NEK3: variants seen among roughly 807,000 people sequenced by gnomAD.
NEK3 encodes the protein NIMA related kinase 3, also known as serine/threonine-protein kinase Nek3.
NEK3 carries 54 observed loss-of-function variants against 66.0 expected under a neutral mutation model. That is an observed-to-expected ratio of 0.82 (90% CI 0.66 to 1.03). The LOEUF (loss-of-function observed/expected upper bound fraction) is 1.03, where lower values mean the gene tolerates loss of function less well. Among genes scored for constraint, NEK3 ranks in the 50% least tolerant of loss-of-function variants. NEK3 has a pLI of 0.00. For synonymous variants in NEK3, 200 were observed against 206.2 expected, an observed-to-expected ratio of 0.97 and a Z score of 0.26; for missense variants, 593 against 603.0, an observed-to-expected ratio of 0.98 and a Z score of 0.17.
chr13:52,133,020 GT>G lies in NEK3; in HGVS notation c.*121del. The stretch of plus-strand genomic sequence containing the variant: ...TCAAGAACGATTTTAAGTATTAAGA[GT>G]TTCCTCTGCTTCATTCTGTTTCCAA... On this transcript the variant is annotated 3_prime_UTR_variant, in exon 16 of 16. Coordinates refer to ENST00000610828, the MANE Select transcript of NEK3 (RefSeq NM_002498.3). 2.6e-6 allele frequency: 2 copies of G among 782,452 alleles called. No individual in the cohort carries two copies. Among genetic ancestry groups the G allele is most frequent in the South Asian group, 3.3e-5 (2 of 59,714 alleles). The allele number at this position is 782,452 out of a possible 1,614,324, so 48.5% of individuals were successfully genotyped here.
intron 13 of NEK3, 94 bp from the exon 14 acceptor site, chr13:52,135,957 T>C (rs765174712): frequency 6.6e-7 from 1 of 1,514,186 alleles, no homozygotes; most frequent in Non-Finnish European, 9.0e-7. Context: ...TTAGTTATAT[T>C]TGACTGTTAA....
intron 11 of NEK3, among the ~76,000 whole-genome samples, chr13:52,140,165 T>G (rs1375897602): frequency 7.1e-6 from 1 of 140,008 alleles, no homozygotes; most frequent in African/African-American, 2.7e-5. Context: ...CAGTGAGCCA[T>G]GTTCACGTCA....
intron 9 of NEK3, among the ~76,000 whole-genome samples, 164 bp from the exon 10 acceptor site, chr13:52,144,151 C>A (rs577375739): frequency 6.6e-6 from 1 of 152,186 alleles, no homozygotes; most frequent in South Asian, 2.1e-4. Context: ...TGGTGGCTCA[C>A]GCCTGTAATC....
intron 8 of NEK3, 181 bp downstream of exon 8, chr13:52,148,234 A>C: frequency 2.1e-6 from 1 of 468,524 alleles, no homozygotes; most frequent in Non-Finnish European, 3.8e-6. Context: ...TGAATAATGG[A>C]AATTTCCTAT....
chr13:52,140,742 C>T (rs990336487), intron 11 of NEK3, among the ~76,000 whole-genome samples: 1 of 152,112 alleles, frequency 6.6e-6, no homozygotes, highest in Non-Finnish European at 1.5e-5. Flanking sequence ...ACTAGAGGGA[C>T]CAGGTCACAG....
At chr13:52,151,280 T>C (rs556094458) in intron 6 of NEK3, 45 bp downstream of exon 6, 17 of 1,594,388 alleles carry the variant, frequency 1.1e-5, no homozygotes, top group South Asian at 4.6e-5. Context: ...TTCCTGAAAA[T>C]TGATGTTTTG....
At position 52,144,900 on chromosome 13, in the gene NEK3, G is replaced by T; in HGVS notation, c.604-9C>A. On this transcript the variant is annotated splice_polypyrimidine_tract_variant and intron_variant, in intron 8 of 15. Transcript: ENST00000610828. ...CAACTATTTGCCTGAAACTGAAAAG[G>T]AAAATTGAACTTTACAAGCAGATAC... 6.3e-7 allele frequency: 1 copy of T among 1,580,038 alleles called. No individual in the cohort carries two copies. The highest frequency in any genetic ancestry group is 1.2e-5 in the South Asian group (1 of 86,852).
intron 11 of NEK3, among the ~76,000 whole-genome samples, chr13:52,138,004 G>A (rs1381929796): frequency 6.6e-6 from 1 of 152,214 alleles, no homozygotes; most frequent in Non-Finnish European, 1.5e-5. Flanking sequence ...AGGGCACAAG[G>A]AAACATTTTA....
rs1409712079 is a variant in NEK3, at chr13:52,156,252, C to T, written c.-57-4G>A. The T allele has an allele frequency of 1.1e-6, 1 of 936,406 alleles. No homozygotes were observed. Among genetic ancestry groups the T allele is most frequent in the Non-Finnish European group, 1.7e-6 (1 of 602,768 alleles). 58.0% of individuals were successfully genotyped at this position (936,406 alleles called of 1,614,324 possible). On this transcript the variant is annotated splice_region_variant and splice_polypyrimidine_tract_variant and intron_variant, in intron 1 of 15. Transcript: ENST00000610828. ...AGTCACCATGGGCTCTCCCAAACTG[C>T]ATTCAAAAGCAGAAACATTTGAGAA... is the stretch of plus-strand genomic sequence containing the variant.
chr13:52,136,293 A>C (rs1956205688), intron 12 of NEK3, 34 bp from the exon 13 acceptor site: 1 of 1,607,248 alleles, frequency 6.2e-7, no homozygotes, highest in African/African-American at 1.3e-5. Flanking sequence ...AATGCCAAGC[A>C]TGTGAAATTA....
In NEK3 at chr13:52,136,230, T is replaced by C; in HGVS notation, c.1060A>G (p.Ser354Gly). 3 of 1,613,824 alleles carry C rather than the reference T, an allele frequency of 1.9e-6. No homozygotes were observed. Among genetic ancestry groups the C allele is most frequent in the South Asian group, 2.2e-5 (2 of 91,070 alleles). The change falls in exon 13 of 16, where the codon AGT (serine) becomes GGT (glycine). Residue 354 changes from serine to glycine, a missense_variant. Coordinates refer to ENST00000610828, the MANE Select transcript of NEK3 (RefSeq NM_002498.3). ...TGTCGTCTATGAAGATTTGGTGAAC[T>C]GGCTTTCCTCAGATGGACTGACTTA... ...GNKSVHLRKA[S>G]SPNLHRRQWE...
chr13:52,144,498 CTG>C (rs1956276992), intron 9 of NEK3, among the ~76,000 whole-genome samples, 191 bp downstream of exon 9: 2 of 152,172 alleles, frequency 1.3e-5, no homozygotes, highest in South Asian at 4.1e-4. Context: ...GATATACAAA[CTG>C]TGATTATACT....
rs1013993625 is a variant in NEK3 at position 52,136,025 on chromosome 13, C to A, written c.1174+91G>T. 119 of 1,530,944 alleles carry A rather than the reference C, an allele frequency of 7.8e-5. 2 individuals carry two copies. Among genetic ancestry groups the A allele is most frequent in the Non-Finnish European group, 1.1e-4 (118 of 1,120,170 alleles). 94.8% of individuals were successfully genotyped at this position (1,530,944 alleles called of 1,614,324 possible). On this transcript the variant is annotated intron_variant, in intron 13 of 15. Transcript: ENST00000610828. ...TGCTCTGATGTGTGACGCCAAATAC[C>A]CTTCACAGACATTAAAAGGCTCTAA...
rs555203881 is a variant in NEK3, at chr13:52,134,685, T to G, written c.1310-870A>C. On this transcript the variant is annotated intron_variant, in intron 14 of 15. Coordinates refer to ENST00000610828, the MANE Select transcript of NEK3 (RefSeq NM_002498.3). ...GGGACTTTCCTAAAATGACAAAGACTTCATCACTGGACCAGACACAAAATC... is the reference window on the plus strand; with the variant it reads ...GGGACTTTCCTAAAATGACAAAGACGTCATCACTGGACCAGACACAAAATC... Among the ~76,000 whole-genome samples the G allele has an allele frequency of 2.2e-4, 34 of 152,306 alleles. 1 individual carries two copies. In the South Asian group the frequency reaches 6.6e-3, roughly 30 times the overall value.
intron 11 of NEK3, 45 bp downstream of exon 11, chr13:52,140,975 C>T (rs1272273504): frequency 1.1e-5 from 17 of 1,498,264 alleles, no homozygotes; most frequent in South Asian, 3.7e-5. Context: ...CCACCACGCC[C>T]GGCCACCGCG....
chr13:52,143,920 T>G lies in NEK3; in HGVS notation c.872A>C (p.Lys291Thr). 1 of 1,456,312 alleles carries G rather than the reference T, an allele frequency of 6.9e-7. No individual in the cohort carries two copies. Among genetic ancestry groups the G allele is most frequent in the South Asian group, 1.3e-5 (1 of 79,186 alleles). The allele number at this position is 1,456,312 out of a possible 1,614,324, so 90.2% of individuals were successfully genotyped here. A position where few individuals can be genotyped will look rare whatever the true frequency, so the allele number is the denominator to read the frequency against. Residue 291 changes from lysine (K) to threonine (T), a missense_variant, in exon 10 of 16, where the codon AAA becomes ACA. Coordinates refer to ENST00000610828, the MANE Select transcript of NEK3 (RefSeq NM_002498.3). ...IKNSKHNTPR[K>T]KTNPSRIRIA... ...TACTCTGTCAAAATTCTTACTTTTT[T>G]TTCTTGGTGTGTTATGCTTCGAATT... is the stretch of plus-strand genomic sequence containing the variant.
At chr13:52,135,917 G>A in intron 13 of NEK3, 54 bp from the exon 14 acceptor site, 5 of 1,577,026 alleles carry the variant, frequency 3.2e-6, no homozygotes, top group Non-Finnish European at 4.3e-6. Flanking sequence ...TTTTCAGCAT[G>A]TACTTTCCAG....
chr13:52,154,027 G>A, intron 3 of NEK3, 35 bp from the exon 4 acceptor site: 2 of 1,602,460 alleles, frequency 1.2e-6, no homozygotes. Context: ...AAAAGCTGTA[G>A]TGGCTATAAA....
chr13:52,149,044 A>G (rs1594027854), intron 7 of NEK3, among the ~76,000 whole-genome samples: 1 of 150,332 alleles, frequency 6.7e-6, no homozygotes, highest in Non-Finnish European at 1.5e-5. Context: ...GGCGCCCGCC[A>G]CCACGCCCAG....
Sources: gnomAD v4.1 joint callset for allele counts (sites outside exome capture counted in the v4.1 genomes callset) on GRCh38, gnomAD v4.1.1 for gene constraint, MANE v1.5 for transcripts, NCBI Gene and HGNC (gene_info 2026-07-23, HGNC 2026-07-21) for gene names.